Variants in FMN1 observed in about 807,000 individuals in gnomAD.
FMN1 encodes the protein formin 1.
In FMN1, 110 loss-of-function variants were observed where a neutral mutation model predicts 132.4. The ratio of observed to expected loss-of-function variants is 0.83; its 90% CI spans 0.71 to 0.97. The LOEUF (loss-of-function observed/expected upper bound fraction) is 0.97. Among genes scored for constraint, FMN1 ranks in the 50% least tolerant of loss-of-function variants. The pLI is 0.00. For synonymous variants in FMN1, 722 were observed against 651.7 expected (o/e 1.11, Z -1.64); for missense variants, 1,792 against 1,705.3 (o/e 1.05, Z -0.90).
chr15:32,958,393 C>G (rs2030077117), intron 9 of FMN1, among the ~76,000 whole-genome samples: 1 of 152,052 alleles, frequency 6.6e-6, no homozygotes, highest in Non-Finnish European at 1.5e-5. Flanking sequence ...AATGTCTTCC[C>G]AGTTAAAAGT....
chr15:32,798,178 GCA>G (rs59587193), intron 19 of FMN1, among the ~76,000 whole-genome samples: 15 of 147,100 alleles, frequency 1.0e-4, no homozygotes, highest in African/African-American at 3.3e-4. Context: ...TAAGGAAAAC[GCA>G]CACACACACA....
intron 2 of FMN1, among the ~76,000 whole-genome samples, chr15:33,183,310 A>T (rs1965767591): frequency 6.6e-6 from 1 of 152,232 alleles, no homozygotes. Context: ...CACTTACCAC[A>T]GTAAGTGGCA....
intron 7 of FMN1, among the ~76,000 whole-genome samples, chr15:33,000,306 G>A (rs2034019815): frequency 6.6e-6 from 1 of 152,048 alleles, no homozygotes; most frequent in African/African-American, 2.4e-5. Flanking sequence ...AAAATTAGCT[G>A]GGTGCAGTGG....
At position 33,077,109 on chromosome 15, in the gene FMN1, A is replaced by C. The variant is rs185644165; in HGVS notation, c.2043+11690T>G. Among the ~76,000 whole-genome samples, 10 of 152,278 alleles carry C rather than the reference A, an allele frequency of 6.6e-5. No individual in the cohort carries two copies. In the East Asian group the frequency reaches 9.7e-4, roughly 15 times the overall value. On this transcript the variant is annotated intron_variant, in intron 5 of 20. Transcript: ENST00000616417. ...AGTGGGGGCAATCTCAGTTCACCAC[A>C]ACATCTGCCTCCCAGGGCGCAAGCC...
chr15:32,801,602 TAAAAAC>T (rs983528926), intron 18 of FMN1, among the ~76,000 whole-genome samples: 1 of 151,358 alleles, frequency 6.6e-6, no homozygotes, highest in African/African-American at 2.4e-5. Context: ...CCATCTCTAC[TAAAAAC>T]AAAAACAAAA....
At chr15:33,108,517 TCTG>T (rs1287763939) in intron 4 of FMN1, among the ~76,000 whole-genome samples, 2 of 151,494 alleles carry the variant, frequency 1.3e-5, no homozygotes, top group Non-Finnish European at 2.9e-5. Context: ...ATTCTCTAAC[TCTG>T]CTATTAAACA....
chr15:33,037,437 G>GT (rs1345648395), intron 6 of FMN1, among the ~76,000 whole-genome samples: 3 of 152,198 alleles, frequency 2.0e-5, no homozygotes, highest in Admixed American at 6.5e-5. Context: ...GACTCCACAG[G>GT]TGGAGGGGTG....
intron 4 of FMN1, among the ~76,000 whole-genome samples, chr15:33,113,867 C>T (rs2039809457): frequency 6.6e-6 from 1 of 152,164 alleles, no homozygotes. Context: ...ACAATGAAAC[C>T]CTGACTGGAA....
At chr15:32,785,216 ATATTTTTTT>A (rs1293991240) in intron 19 of FMN1, among the ~76,000 whole-genome samples, 6 of 20,086 alleles carry the variant, frequency 3.0e-4, no homozygotes, top group African/African-American at 8.3e-4. Context: ...ATATATATAT[ATATTTTTTT>A]TTTTTTTTTT....
intron 4 of FMN1, among the ~76,000 whole-genome samples, chr15:33,114,261 G>C (rs535261271): frequency 2.0e-5 from 3 of 152,342 alleles, no homozygotes; most frequent in Admixed American, 2.0e-4. Flanking sequence ...GTCCTTGCTT[G>C]TCCAAGGACG....
At chr15:33,089,057 T>C (rs2038809698) in intron 4 of FMN1, 83 bp from the exon 5 acceptor site, 5 of 1,114,486 alleles carry the variant, frequency 4.5e-6, no homozygotes, top group African/African-American at 3.1e-5. Context: ...AACTCCTACA[T>C]AGACTTCTCT....
At chr15:33,181,196 T>G (rs1330298308) in intron 2 of FMN1, among the ~76,000 whole-genome samples, 2 of 152,228 alleles carry the variant, frequency 1.3e-5, no homozygotes, top group African/African-American at 4.8e-5. Flanking sequence ...CACTCCCTTC[T>G]GCTATAAGGG....
rs764141720 is a variant in FMN1, at chr15:32,964,206, C to A, written c.3039G>T (p.Arg1013=). Residue 1013 remains arginine (R), a synonymous_variant, in exon 9 of 21, where the codon CGG becomes CGT. Transcript: ENST00000616417. ...ATAAATACTCAAATTCACTGGGGTC[C>A]CGAATGTCAGGTTCTTCTAAGGAGT... The part of the protein sequence containing the change: ...LWDSLEEPDI[R]DPSEFEYLFS... 1.2e-6 allele frequency: 2 copies of A among 1,612,130 alleles called. No individual in the cohort carries two copies. The highest frequency in any genetic ancestry group is 1.7e-6 in the Non-Finnish European group (2 of 1,178,822).
chr15:33,184,214 C>T (rs551115845), intron 2 of FMN1, among the ~76,000 whole-genome samples: 28 of 152,210 alleles, frequency 1.8e-4, no homozygotes, highest in Admixed American at 1.6e-3. Flanking sequence ...ATGATATTAC[C>T]TAAGGTTAAC....
At chr15:33,073,878 G>A (rs922953777) in intron 5 of FMN1, among the ~76,000 whole-genome samples, 2 of 151,934 alleles carry the variant, frequency 1.3e-5, no homozygotes, top group African/African-American at 2.4e-5. Context: ...TTATAGTTGC[G>A]TGTCACCACG....
intron 18 of FMN1, among the ~76,000 whole-genome samples, chr15:32,803,020 G>A (rs2057532042): frequency 6.6e-6 from 1 of 152,160 alleles, no homozygotes; most frequent in South Asian, 2.1e-4. Flanking sequence ...AATCTTATTG[G>A]TAATTACAGT....
intron 3 of FMN1, among the ~76,000 whole-genome samples, chr15:33,164,534 G>T (rs923591493): frequency 6.6e-6 from 1 of 152,166 alleles, no homozygotes; most frequent in Non-Finnish European, 1.5e-5. Context: ...CAGATACCCA[G>T]ATATGTTAAC....
chr15:32,868,302 G>A (rs757860454), intron 16 of FMN1, among the ~76,000 whole-genome samples: 37 of 152,148 alleles, frequency 2.4e-4, no homozygotes, highest in Admixed American at 3.9e-4. Context: ...ACTGAATACA[G>A]TTACAGTATA....
At chr15:32,781,961 T>C (rs2056679043) in intron 19 of FMN1, among the ~76,000 whole-genome samples, 1 of 152,266 alleles carries the variant, frequency 6.6e-6, no homozygotes, top group African/African-American at 2.4e-5. Context: ...TTGCTTTTAC[T>C]GTTCCCTCAA....
Sources: allele counts gnomAD v4.1 joint callset (sites outside exome capture counted in the v4.1 genomes callset), GRCh38; gene constraint gnomAD v4.1.1; transcripts MANE v1.5; gene names NCBI Gene and HGNC (gene_info 2026-07-23, HGNC 2026-07-21).